CANX: variants seen among roughly 807,000 people sequenced by gnomAD.
CANX encodes the protein epididymis secretory sperm binding protein.
CANX carries 14 observed loss-of-function variants against 75.7 expected under a neutral mutation model. The ratio of observed to expected loss-of-function variants is 0.19; its 90% CI spans 0.12 to 0.29. The LOEUF (loss-of-function observed/expected upper bound fraction) is 0.29, where lower values mean the gene tolerates loss of function less well. Ranked by LOEUF, CANX falls within the 10% of genes least tolerant of loss-of-function variation. The pLI, the probability that CANX is intolerant of heterozygous loss-of-function variation, is 1.00. For missense variants in CANX, 567 were observed against 713.2 expected (o/e 0.79, Z 2.34); for synonymous variants, 227 against 236.9 (o/e 0.96, Z 0.38).
rs142534317 is a variant in CANX at position 179,722,990 on chromosome 5, C to T, written c.1369C>T (p.Leu457=). The change falls in exon 11 of 15, where the codon CTG becomes TTG. Residue 457 remains leucine, a synonymous_variant. Coordinates refer to ENST00000247461, the MANE Select transcript of CANX (RefSeq NM_001746.4). ...VDDWANDGWG[L]KKAADGAAEP... Reference sequence around the variant, plus strand: ...TGATTGGGCCAATGATGGATGGGGCCTGAAGAAAGCTGCTGATGGGGCTGC... The same window carrying T: ...TGATTGGGCCAATGATGGATGGGGCTTGAAGAAAGCTGCTGATGGGGCTGC... 2.5e-6 allele frequency: 4 copies of T among 1,614,076 alleles called. No individual in the cohort carries two copies. The highest frequency in any genetic ancestry group is 1.3e-5 in the African/African-American group (1 of 75,020).
chr5:179,717,420 C>T (rs1778032417), intron 8 of CANX, among the ~76,000 whole-genome samples: 1 of 152,210 alleles, frequency 6.6e-6, no homozygotes, highest in Non-Finnish European at 1.5e-5. Flanking sequence ...TTCTGCCTCT[C>T]TACATTTGTC....
At chr5:179,725,277 G>C (rs1778571818) in intron 13 of CANX, among the ~76,000 whole-genome samples, 1 of 152,012 alleles carries the variant, frequency 6.6e-6, no homozygotes, top group Non-Finnish European at 1.5e-5. Flanking sequence ...TGTGATCTCG[G>C]TTCACTGCAG....
chr5:179,715,680 C>T (rs894089790), intron 7 of CANX, among the ~76,000 whole-genome samples: 4 of 152,046 alleles, frequency 2.6e-5, no homozygotes, highest in African/African-American at 4.8e-5. Context: ...ATTTCAGTAA[C>T]GTAATAATAC....
At chr5:179,708,486 T>C in intron 5 of CANX, 106 bp downstream of exon 5, 1 of 1,020,460 alleles carries the variant, frequency 9.8e-7, no homozygotes, top group Non-Finnish European at 1.4e-6. Flanking sequence ...ATATAAGTGG[T>C]GGTAGGGATT....
Position 179,719,680 on chromosome 5 carries a change from C to A in CANX, c.924C>A (p.Ala308=), listed in dbSNP as rs756776428. Residue 308 remains alanine, a synonymous_variant, in exon 9 of 15, where the codon GCC becomes GCA. Transcript: ENST00000247461. The stretch of plus-strand genomic sequence containing the variant: ...TTTTGTATTTAAGGGATGAAGATGC[C>A]CCTGCTAAGATTCCAGATGAAGAGG... The part of the protein sequence containing the change: ...AVKPDDWDED[A]PAKIPDEEAT... The A allele has an allele frequency of 1.9e-6, 3 of 1,605,922 alleles. No individual in the cohort carries two copies. The highest frequency in any genetic ancestry group is 2.6e-6 in the Non-Finnish European group (3 of 1,173,724).
chr5:179,686,669 G>C (rs570733155), intron 1 of CANX, among the ~76,000 whole-genome samples: 77 of 151,166 alleles, frequency 5.1e-4, no homozygotes, highest in African/African-American at 1.8e-3. Context: ...TTGCCATGTT[G>C]CAAAACTCCT....
intron 11 of CANX, 24 bp downstream of exon 11, chr5:179,723,043 T>G (rs776329065): frequency 1.3e-6 from 2 of 1,591,492 alleles, no homozygotes; most frequent in Non-Finnish European, 1.7e-6. Flanking sequence ...GCTTGTGCAT[T>G]TGTGTCTGTT....
upstream of CANX, among the ~76,000 whole-genome samples, chr5:179,698,222 C>A (rs573440580): frequency 6.6e-6 from 1 of 152,240 alleles, no homozygotes; most frequent in Non-Finnish European, 1.5e-5. Flanking sequence ...ACCATCCTTT[C>A]TCTCGTCCTG....
chr5:179,681,828 G>A (rs989995693), intron 1 of CANX, among the ~76,000 whole-genome samples: 1 of 151,818 alleles, frequency 6.6e-6, no homozygotes, highest in Non-Finnish European at 1.5e-5. Context: ...TGCGACTGTA[G>A]TCCCAGCTAC....
intron 1 of CANX, among the ~76,000 whole-genome samples, chr5:179,705,068 C>T (rs1273699594): frequency 2.6e-5 from 4 of 152,044 alleles, no homozygotes; most frequent in East Asian, 1.9e-4. Context: ...TCACTGCAAC[C>T]TCCACCTCCT....
intron 7 of CANX, among the ~76,000 whole-genome samples, chr5:179,715,074 A>G (rs1406331013): frequency 6.6e-6 from 1 of 152,178 alleles, no homozygotes; most frequent in African/African-American, 2.4e-5. Flanking sequence ...TCTTAACAAC[A>G]AAAGAGTGTG....
chr5:179,697,224 AT>A (rs1220016721), upstream of CANX, among the ~76,000 whole-genome samples: 1 of 151,632 alleles, frequency 6.6e-6, no homozygotes, highest in African/African-American at 2.4e-5. Flanking sequence ...TGCCAGGCTA[AT>A]TTTTTTATTT....
chr5:179,698,817 T>C, upstream of CANX: 4 of 706,742 alleles, frequency 5.7e-6, no homozygotes, highest in South Asian at 1.7e-5. Flanking sequence ...GTAGGGGGCG[T>C]ATGGGACGGT....
In CANX at chr5:179,725,011, G is replaced by GTC. The variant is rs147076143; in HGVS notation, c.1645+244_1645+245dup. ...CAGCTGAGCAACAGAGTGAGACCCT[G>GTC]TCTCTCTCTCTCTCTCTTTTTTATT... is the stretch of plus-strand genomic sequence containing the variant. On this transcript the variant is annotated intron_variant, in intron 13 of 14. Coordinates refer to ENST00000247461, the MANE Select transcript of CANX (RefSeq NM_001746.4). Among the ~76,000 whole-genome samples, 39 of 151,138 alleles carry GTC rather than the reference G, an allele frequency of 2.6e-4. No individual in the cohort carries two copies. The South Asian group carries it at 3.1e-3, about 12-fold the overall frequency.
chr5:179,687,351 C>T (rs1196922430), intron 1 of CANX, among the ~76,000 whole-genome samples: 1 of 152,130 alleles, frequency 6.6e-6, no homozygotes, highest in African/African-American at 2.4e-5. Context: ...GATCCACCCG[C>T]CTCGGCCTCC....
At chr5:179,679,560 A>G (rs1775999553) in intron 1 of CANX, among the ~76,000 whole-genome samples, 2 of 152,158 alleles carry the variant, frequency 1.3e-5, no homozygotes, top group Admixed American at 1.3e-4. Flanking sequence ...GTAGCAAGAC[A>G]AGTAAGTAGG....
intron 10 of CANX, among the ~76,000 whole-genome samples, chr5:179,721,334 C>G (rs10794700): frequency 0.46 from 70,417 of 152,176 alleles, 17,665 homozygotes; most frequent in South Asian, 0.63. Context: ...AGGTGATCCA[C>G]CTGCCTTCGC....
chr5:179,703,130 C>G (rs1049371324), intron 1 of CANX, among the ~76,000 whole-genome samples: 9 of 151,898 alleles, frequency 5.9e-5, no homozygotes, highest in African/African-American at 2.2e-4. Context: ...CCAGGCTGGT[C>G]TCGAATTCCT....
chr5:179,689,662 T>G (rs930167775), intron 1 of CANX, among the ~76,000 whole-genome samples: 8 of 152,174 alleles, frequency 5.3e-5, no homozygotes, highest in African/African-American at 1.9e-4. Context: ...AGTGTTGGGA[T>G]TACAGGCGTG....
Sources: allele counts gnomAD v4.1 joint callset (sites outside exome capture counted in the v4.1 genomes callset), GRCh38; gene constraint gnomAD v4.1.1; transcripts MANE v1.5; gene names NCBI Gene and HGNC (gene_info 2026-07-23, HGNC 2026-07-21).